Variants in EPN2 observed in about 807,000 individuals in gnomAD.
EPN2 encodes the protein epsin-2.
EPN2 carries 34 observed loss-of-function variants against 61.7 expected under a neutral mutation model. That is an observed-to-expected ratio of 0.55 (90% CI 0.42 to 0.73). The LOEUF (loss-of-function observed/expected upper bound fraction) is 0.73, where lower values mean the gene tolerates loss of function less well. Ranked by LOEUF, EPN2 falls within the 30% of genes least tolerant of loss-of-function variation. EPN2 has a pLI of 0.00. For missense variants in EPN2, 714 were observed against 839.2 expected, an observed-to-expected ratio of 0.85 and a Z score of 1.84; for synonymous variants, 349 against 353.6, an observed-to-expected ratio of 0.99 and a Z score of 0.15.
chr17:19,331,870 C>T lies in EPN2; in HGVS notation c.1429C>T (p.Leu477=), dbSNP rs1040696089. 10 of 1,614,068 alleles carry T rather than the reference C, an allele frequency of 6.2e-6. No individual in the cohort carries two copies. In the East Asian group the frequency reaches 8.9e-5, roughly 14 times the overall value. ...SKKTAESVTS[L]PSQNNGTTSP... is the part of the protein sequence containing the mutation. ...TCTTGTAGCCGAATCTGTGACCTCT[C>T]TGCCATCCCAAAACAATGGAACTAC... is the stretch of plus-strand genomic sequence containing the variant. Residue 477 remains leucine (L), a synonymous_variant, in exon 10 of 11, where the codon CTG becomes TTG. Coordinates refer to ENST00000314728, the MANE Select transcript of EPN2 (RefSeq NM_014964.5).
At chr17:19,250,219 C>G (rs572452935) in intron 1 of EPN2, among the ~76,000 whole-genome samples, 1 of 152,068 alleles carries the variant, frequency 6.6e-6, no homozygotes, top group South Asian at 2.1e-4. Context: ...CTCAGCCTCC[C>G]GAGTAGCTGG....
At chr17:19,292,734 CCAACA>C (rs1209224657) in intron 4 of EPN2, among the ~76,000 whole-genome samples, 2 of 152,218 alleles carry the variant, frequency 1.3e-5, no homozygotes, top group Admixed American at 1.3e-4. Flanking sequence ...AGACAGTTGC[CCAACA>C]CAACCAGAAG....
rs746658194 is a variant in EPN2, at chr17:19,283,560, T to A, written c.441T>A (p.Ala147=). The change falls in exon 3 of 11, where the codon GCT becomes GCA. Residue 147 remains alanine, a synonymous_variant. Coordinates refer to ENST00000314728, the MANE Select transcript of EPN2 (RefSeq NM_014964.5). The surrounding 1 kb of genome is among the most constrained non-coding windows in gnomAD (Gnocchi z 7.0). ...EERLKAERAQ[A]LKTKERMAQV... is the part of the protein sequence containing the mutation. Reference sequence around the variant, plus strand: ...GGTTGAAGGCTGAGAGGGCCCAGGCTCTCAAAACCAAAGAGCGCATGGCCC... The same window carrying A: ...GGTTGAAGGCTGAGAGGGCCCAGGCACTCAAAACCAAAGAGCGCATGGCCC... The A allele has an allele frequency of 6.2e-7, 1 of 1,614,046 alleles. No homozygotes were observed. Among genetic ancestry groups the A allele is most frequent in the Non-Finnish European group, 8.5e-7 (1 of 1,180,004 alleles).
At chr17:19,310,076 C>A in intron 5 of EPN2, 79 bp downstream of exon 5, 1 of 963,670 alleles carries the variant, frequency 1.0e-6, no homozygotes, top group Non-Finnish European at 1.6e-6. Context: ...AAGAAGATGG[C>A]AGACACAGCC....
At chr17:19,291,087 G>T (rs908500283) in intron 4 of EPN2, among the ~76,000 whole-genome samples, 14 of 152,222 alleles carry the variant, frequency 9.2e-5, no homozygotes, top group African/African-American at 3.4e-4. Flanking sequence ...TAAAACACAT[G>T]CAATGCCACA....
chr17:19,267,346 A>C (rs2045210315), intron 1 of EPN2, among the ~76,000 whole-genome samples: 2 of 152,236 alleles, frequency 1.3e-5, no homozygotes, highest in East Asian at 3.9e-4. Context: ...ACTAAAAAAA[A>C]ACCCCGTTGA....
At chr17:19,304,244 G>A (rs1905704864) in intron 4 of EPN2, among the ~76,000 whole-genome samples, 1 of 152,224 alleles carries the variant, frequency 6.6e-6, no homozygotes, top group Non-Finnish European at 1.5e-5. Context: ...GTGTTGAGAA[G>A]TGGCAGGAAC....
chr17:19,241,267 ATGTCCATC>A (rs1296325190), intron 1 of EPN2, among the ~76,000 whole-genome samples: 1 of 152,124 alleles, frequency 6.6e-6, no homozygotes, highest in Non-Finnish European at 1.5e-5. Flanking sequence ...ATGAATGTTT[ATGTCCATC>A]TGTTGAGTTT....
chr17:19,244,669 C>T (rs765217803), intron 1 of EPN2, among the ~76,000 whole-genome samples: 2 of 152,038 alleles, frequency 1.3e-5, no homozygotes. Context: ...TCCATCAAAA[C>T]CGAATGTGCA....
chr17:19,299,846 G>A (rs1013200220), intron 4 of EPN2, among the ~76,000 whole-genome samples: 3 of 152,206 alleles, frequency 2.0e-5, no homozygotes, highest in African/African-American at 7.2e-5. Context: ...TTCCTCCTCT[G>A]TAAACTGAGG....
chr17:19,274,639 C>T (rs1181977966), intron 1 of EPN2, among the ~76,000 whole-genome samples: 1 of 152,160 alleles, frequency 6.6e-6, no homozygotes, highest in Admixed American at 6.5e-5. Context: ...ACATCCTCCT[C>T]TCAGCACACG....
chr17:19,241,939 G>T (rs1426748528), intron 1 of EPN2, among the ~76,000 whole-genome samples: 2 of 151,920 alleles, frequency 1.3e-5, no homozygotes, highest in African/African-American at 4.8e-5. Context: ...CAAAATAATA[G>T]GTATTCATTT....
At chr17:19,312,923 A>T in intron 6 of EPN2, 182 bp from the exon 7 acceptor site, 1 of 627,704 alleles carries the variant, frequency 1.6e-6, no homozygotes, top group Non-Finnish European at 2.8e-6. Flanking sequence ...GCTTGTTGTG[A>T]CTGGAGAGCT....
chr17:19,323,671 C>T (rs1488428941), intron 7 of EPN2, among the ~76,000 whole-genome samples: 2 of 152,222 alleles, frequency 1.3e-5, no homozygotes, highest in Non-Finnish European at 2.9e-5. Context: ...AAGAAAAACA[C>T]AGTCAACTAG....
At chr17:19,328,976 T>C in intron 8 of EPN2, 89 bp downstream of exon 8, 2 of 1,229,942 alleles carry the variant, frequency 1.6e-6, no homozygotes, top group Non-Finnish European at 2.3e-6. Context: ...ATCAGCCCTG[T>C]TGCTTTGCTT....
chr17:19,325,877 T>C (rs537640930), intron 7 of EPN2, among the ~76,000 whole-genome samples: 85 of 152,342 alleles, frequency 5.6e-4, no homozygotes, highest in Middle Eastern at 3.4e-3. Flanking sequence ...GAATTATTAT[T>C]AGAATCAATA....
At chr17:19,243,417 C>T (rs1309962007) in intron 1 of EPN2, among the ~76,000 whole-genome samples, 14 of 95,522 alleles carry the variant, frequency 1.5e-4, no homozygotes, top group South Asian at 4.8e-4. Context: ...TTTTTTGAGA[C>T]GGAGTCTCGC....
At chr17:19,332,892 C>G (rs947143084) in intron 10 of EPN2, among the ~76,000 whole-genome samples, 2 of 152,280 alleles carry the variant, frequency 1.3e-5, no homozygotes, top group African/African-American at 4.8e-5. Context: ...GTGTTCAGCC[C>G]CAGGCTGGCC....
chr17:19,245,663 T>TC (rs1468897971), intron 1 of EPN2, among the ~76,000 whole-genome samples: 20 of 120,004 alleles, frequency 1.7e-4, no homozygotes, highest in Non-Finnish European at 2.9e-4. Flanking sequence ...TCTTGATCTC[T>TC]TTTTTTTTTT....
Sources: gnomAD v4.1 joint callset for allele counts (sites outside exome capture counted in the v4.1 genomes callset) on GRCh38, gnomAD v4.1.1 for gene constraint, Gnocchi (gnomAD v3.1) non-coding constraint, MANE v1.5 for transcripts, NCBI Gene and HGNC (gene_info 2026-07-23, HGNC 2026-07-21) for gene names.